ZPBP: variants seen among roughly 807,000 people sequenced by gnomAD.
ZPBP encodes zona pellucida-binding protein 1.
A neutral mutation model predicts 44.8 loss-of-function variants in ZPBP; 26 were observed. That is an observed-to-expected ratio of 0.58 (90% CI 0.43 to 0.81). ZPBP has a LOEUF of 0.81. Among genes scored for constraint, ZPBP ranks in the 30% least tolerant of loss-of-function variants. The pLI is 0.00. For synonymous variants in ZPBP, 174 were observed against 153.2 expected, an observed-to-expected ratio of 1.14 and a Z score of -1.00; for missense variants, 409 against 434.0, an observed-to-expected ratio of 0.94 and a Z score of 0.51.
chr7:50,092,537 A>G (rs1230541355), intron 1 of ZPBP, among the ~76,000 whole-genome samples: 1 of 152,190 alleles, frequency 6.6e-6, no homozygotes. Context: ...AAACTTTCAC[A>G]TCCTTCGTCA....
chr7:50,021,832 C>T (rs1799110287), intron 5 of ZPBP, among the ~76,000 whole-genome samples: 1 of 152,122 alleles, frequency 6.6e-6, no homozygotes, highest in Non-Finnish European at 1.5e-5. Flanking sequence ...ATGCCTTGCC[C>T]TGTGCATCTT....
the ZPBP span, among the ~76,000 whole-genome samples, chr7:49,841,560 G>A: frequency 5.3e-5 from 8 of 152,222 alleles, no homozygotes; most frequent in South Asian, 1.0e-3. Flanking sequence ...ATAACAAATC[G>A]CCAGATATAG....
intron 4 of ZPBP, among the ~76,000 whole-genome samples, chr7:50,036,278 C>T (rs191044908): frequency 2.6e-5 from 4 of 152,224 alleles, no homozygotes; most frequent in East Asian, 1.9e-4. Flanking sequence ...CTAAGCCTCC[C>T]GAGTAGCTGG....
At chr7:49,909,034 T>C (rs925057928) in intron 1 of ZPBP, among the ~76,000 whole-genome samples, 3 of 152,180 alleles carry the variant, frequency 2.0e-5, no homozygotes, top group African/African-American at 7.2e-5. Flanking sequence ...AACAACAGGA[T>C]AGGTGAAATA....
At chr7:50,070,848 A>AG (rs1165559240) in intron 3 of ZPBP, among the ~76,000 whole-genome samples, 2 of 152,232 alleles carry the variant, frequency 1.3e-5, no homozygotes, top group Admixed American at 6.5e-5. Flanking sequence ...AACATGTTTT[A>AG]CGACTTGAGT....
chr7:49,841,129 C>G, the ZPBP span, among the ~76,000 whole-genome samples: 1 of 152,184 alleles, frequency 6.6e-6, no homozygotes, highest in Non-Finnish European at 1.5e-5. Flanking sequence ...ACAAGCGAAG[C>G]TGTCTGTTCT....
At chr7:50,033,514 C>G (rs1443595308) in intron 4 of ZPBP, among the ~76,000 whole-genome samples, 1 of 152,006 alleles carries the variant, frequency 6.6e-6, no homozygotes, top group Non-Finnish European at 1.5e-5. Context: ...TTGGGGACTT[C>G]AAGAAAAGAA....
chr7:49,890,474 T>C (rs1246675789), intron 2 of ZPBP, among the ~76,000 whole-genome samples: 1 of 152,134 alleles, frequency 6.6e-6, no homozygotes, highest in Non-Finnish European at 1.5e-5. Context: ...ATCCATAACA[T>C]CTCTAGGTTA....
intron 6 of ZPBP, among the ~76,000 whole-genome samples, chr7:50,001,585 A>G (rs934962509): frequency 5.3e-5 from 8 of 152,178 alleles, no homozygotes; most frequent in African/African-American, 1.9e-4. Context: ...GATAAAAACA[A>G]AAAACAGACA....
At chr7:49,896,881 A>ATTTT (rs36066373) in intron 2 of ZPBP, among the ~76,000 whole-genome samples, 7 of 95,052 alleles carry the variant, frequency 7.4e-5, no homozygotes, top group Non-Finnish European at 1.0e-4. Flanking sequence ...TGGATTGATA[A>ATTTT]TTTTTTTTTT....
intron 7 of ZPBP, among the ~76,000 whole-genome samples, chr7:49,980,072 A>C (rs1796744637): frequency 1.6e-5 from 1 of 64,330 alleles, no homozygotes; most frequent in South Asian, 4.4e-4. Flanking sequence ...TTATATTATA[A>C]TATATATAAT....
intron 7 of ZPBP, among the ~76,000 whole-genome samples, chr7:49,941,919 A>G (rs1203347508): frequency 6.6e-6 from 1 of 152,188 alleles, no homozygotes; most frequent in Non-Finnish European, 1.5e-5. Flanking sequence ...AGACATACAG[A>G]CTAATGGAAC....
intron 2 of ZPBP, among the ~76,000 whole-genome samples, chr7:49,881,370 C>A (rs997013751): frequency 6.6e-6 from 1 of 152,116 alleles, no homozygotes; most frequent in Non-Finnish European, 1.5e-5. Flanking sequence ...AAAAACAGCA[C>A]TGAAATTATA....
intron 7 of ZPBP, chr7:49,944,135 A>G (rs1162570816): frequency 3.8e-6 from 1 of 262,806 alleles, no homozygotes; most frequent in Non-Finnish European, 7.7e-6. Flanking sequence ...ATCCTTCATA[A>G]CTGTATCCAC....
intron 2 of ZPBP, among the ~76,000 whole-genome samples, chr7:49,868,571 T>C (rs1791006939): frequency 6.6e-6 from 1 of 152,246 alleles, no homozygotes; most frequent in Non-Finnish European, 1.5e-5. Context: ...GTTTAACTTT[T>C]CTAAGCATTA....
chr7:50,008,182 G>A (rs1357704346), intron 6 of ZPBP, among the ~76,000 whole-genome samples: 3 of 151,946 alleles, frequency 2.0e-5, no homozygotes, highest in African/African-American at 4.8e-5. Flanking sequence ...CAAACTTGCA[G>A]GACAGTAAAT....
At chr7:50,050,168 A>G (rs937036082) in intron 4 of ZPBP, among the ~76,000 whole-genome samples, 1 of 152,202 alleles carries the variant, frequency 6.6e-6, no homozygotes, top group South Asian at 2.1e-4. Context: ...GAAGGATGCA[A>G]TTCTTCCCCA....
intron 6 of ZPBP, among the ~76,000 whole-genome samples, chr7:49,993,216 A>G (rs921102877): frequency 6.6e-6 from 1 of 152,176 alleles, no homozygotes; most frequent in Non-Finnish European, 1.5e-5. Flanking sequence ...TAAATTATAC[A>G]TAAGAGAATG....
At chr7:49,972,114 A>G (rs1271767629) in intron 7 of ZPBP, among the ~76,000 whole-genome samples, 1 of 151,944 alleles carries the variant, frequency 6.6e-6, no homozygotes, top group African/African-American at 2.4e-5. Context: ...AAGACTTTAT[A>G]TGAAAAATTC....
Sources: allele counts gnomAD v4.1 joint callset (sites outside exome capture counted in the v4.1 genomes callset), GRCh38; gene constraint gnomAD v4.1.1; transcripts MANE v1.5; gene names NCBI Gene and HGNC (gene_info 2026-07-23, HGNC 2026-07-21).